AIRIM: variants seen among roughly 807,000 people sequenced by gnomAD.
The protein encoded by AIRIM is AFG2 interacting ribosome maturation factor.
chr1:37,686,484 C>T, the AIRIM span: 2 of 1,597,014 alleles, frequency 1.3e-6, no homozygotes, highest in East Asian at 2.2e-5. Context: ...TAGGCAATAT[C>T]ATGAGACATG....
the AIRIM span, chr1:37,682,989 C>A: frequency 1.1e-6 from 1 of 918,704 alleles, no homozygotes; most frequent in South Asian, 1.6e-5. Flanking sequence ...TCCCCAAGAC[C>A]CAGTCCTAAG....
At chr1:37,683,520 C>T in the AIRIM span, 2 of 1,499,752 alleles carry the variant, frequency 1.3e-6, no homozygotes, top group African/African-American at 1.4e-5. Context: ...CCAGAGGGAG[C>T]CATAAAAGTG....
the AIRIM span, chr1:37,689,614 C>T: frequency 6.2e-7 from 1 of 1,604,254 alleles, no homozygotes; most frequent in Non-Finnish European, 8.5e-7. Context: ...ACAGCCTTTC[C>T]CCTAGCTTGT....
the AIRIM span, among the ~76,000 whole-genome samples, chr1:37,685,964 T>C: frequency 6.6e-6 from 1 of 152,138 alleles, no homozygotes; most frequent in African/African-American, 2.4e-5. Flanking sequence ...CCACCCTATT[T>C]TAAATCACAA....
chr1:37,685,200 G>GT, the AIRIM span, among the ~76,000 whole-genome samples: 6 of 125,952 alleles, frequency 4.8e-5, no homozygotes, highest in East Asian at 2.9e-4. Flanking sequence ...TTTGGGGGGG[G>GT]GGGGTGGGCG....
At chr1:37,686,314 C>A in the AIRIM span, 1 of 1,613,948 alleles carries the variant, frequency 6.2e-7, no homozygotes, top group Middle Eastern at 1.6e-4. Context: ...ACCATTCCAA[C>A]ATGTCAGCCA....
chr1:37,690,388 TTC>T, the AIRIM span: 1 of 1,289,782 alleles, frequency 7.8e-7, no homozygotes, highest in South Asian at 1.2e-5. Context: ...GCGCCGTCTC[TTC>T]TCTGACATAC....
chr1:37,684,592 C>A, the AIRIM span, among the ~76,000 whole-genome samples: 1 of 152,146 alleles, frequency 6.6e-6, no homozygotes, highest in African/African-American at 2.4e-5. Flanking sequence ...GCACCCCAGT[C>A]TGGGCAACAA....
At chr1:37,689,445 G>C in the AIRIM span, 1 of 801,560 alleles carries the variant, frequency 1.2e-6, no homozygotes, top group South Asian at 2.3e-5. Context: ...ATGGCTTTCT[G>C]ACCGAGGTCC....
the AIRIM span, among the ~76,000 whole-genome samples, chr1:37,688,613 G>A: frequency 3.2e-4 from 49 of 152,052 alleles, no homozygotes; most frequent in African/African-American, 9.2e-4. Flanking sequence ...CCTAATGAAC[G>A]TATTTTGTAC....
the AIRIM span, chr1:37,686,251 CT>C: frequency 6.3e-7 from 1 of 1,596,612 alleles, no homozygotes; most frequent in Non-Finnish European, 8.5e-7. Context: ...TGGCTGTGAC[CT>C]GAAATGTGTG....
chr1:37,683,222 A>C, the AIRIM span: 1 of 1,605,186 alleles, frequency 6.2e-7, no homozygotes, highest in Non-Finnish European at 8.5e-7. Flanking sequence ...AAACACACAG[A>C]GGCACAGCAA....
chr1:37,690,761 T>C, the AIRIM span, among the ~76,000 whole-genome samples: 1 of 152,186 alleles, frequency 6.6e-6, no homozygotes, highest in Admixed American at 6.5e-5. Context: ...CATGTCCTGT[T>C]AGCTGTGGAG....
the AIRIM span, among the ~76,000 whole-genome samples, chr1:37,685,178 C>A: frequency 8.6e-6 from 1 of 116,934 alleles, no homozygotes; most frequent in East Asian, 2.5e-4. Flanking sequence ...TTCTGTCACT[C>A]GAATGCTTTT....
the AIRIM span, chr1:37,690,498 C>A: frequency 8.3e-7 from 1 of 1,206,398 alleles, no homozygotes; most frequent in Non-Finnish European, 1.1e-6. Context: ...CCTCCAGGGA[C>A]TGCACCACGC....
chr1:37,684,445 C>A, the AIRIM span, among the ~76,000 whole-genome samples: 1 of 152,018 alleles, frequency 6.6e-6, no homozygotes. Context: ...ATGGTGAAAC[C>A]GCCTCTCTAC....
At chr1:37,685,192 T>TG in the AIRIM span, among the ~76,000 whole-genome samples, 18,365 of 44,302 alleles carry the variant, frequency 0.41, 3,445 homozygotes, top group East Asian at 0.67. Context: ...TGCTTTTTTT[T>TG]GGGGGGGGGG....
At chr1:37,688,822 T>G in the AIRIM span, among the ~76,000 whole-genome samples, 1 of 151,972 alleles carries the variant, frequency 6.6e-6, no homozygotes, top group Admixed American at 6.6e-5. Context: ...TAAAATTAGC[T>G]GGGCATGGAA....
chr1:37,689,784 G>A, the AIRIM span: 1,557 of 1,613,092 alleles, frequency 9.7e-4, 12 homozygotes, highest in African/African-American at 0.018. Context: ...TGGCAGTCCC[G>A]CAGGGCACTC....
Sources: allele counts gnomAD v4.1 joint callset (sites outside exome capture counted in the v4.1 genomes callset), GRCh38; gene constraint gnomAD v4.1.1; transcripts MANE v1.5; gene names NCBI Gene and HGNC (gene_info 2026-07-23, HGNC 2026-07-21).